EXT2: variants seen among roughly 807,000 people sequenced by gnomAD.
EXT2 encodes the protein exostosin glycosyltransferase 2.
EXT2 carries 53 observed loss-of-function variants against 81.6 expected under a neutral mutation model. That is an observed-to-expected ratio of 0.65 (90% CI 0.52 to 0.82). The LOEUF (loss-of-function observed/expected upper bound fraction) is 0.82, where lower values mean the gene tolerates loss of function less well. EXT2 is among the 40% of genes least tolerant of loss of function. EXT2 has a pLI of 0.00. For missense variants in EXT2, 774 were observed against 910.2 expected (o/e 0.85, Z 1.93); for synonymous variants, 320 against 340.0 (o/e 0.94, Z 0.65).
At chr11:44,200,078 G>A (rs867121379) in intron 9 of EXT2, among the ~76,000 whole-genome samples, 100 of 151,750 alleles carry the variant, frequency 6.6e-4, no homozygotes, top group African/African-American at 2.4e-3. Context: ...GGTAAATGAG[G>A]CTGTCAGCTC....
At chr11:44,173,563 CTTTTTTTTTT>C (rs66702988) in intron 8 of EXT2, among the ~76,000 whole-genome samples, 6 of 100,070 alleles carry the variant, frequency 6.0e-5, no homozygotes, top group South Asian at 4.0e-4. Flanking sequence ...TTCTTTCTTT[CTTTTTTTTTT>C]TTTTTTTTTT....
chr11:44,159,643 G>A lies in EXT2; in HGVS notation c.1174-11968G>A, dbSNP rs566368632. Among the ~76,000 whole-genome samples the A allele has an allele frequency of 1.7e-4, 26 of 152,130 alleles. No homozygotes were observed. The South Asian group carries it at 5.4e-3, about 32-fold the overall frequency. ...CAGCATCTCTGCCATGTCTCATTCT[G>A]GTTTGATGCTTACTCAGTCTCTTCA... On this transcript the variant is annotated intron_variant, in intron 7 of 13. Transcript: ENST00000533608.
intron 7 of EXT2, among the ~76,000 whole-genome samples, chr11:44,147,711 C>A (rs1954737876): frequency 8.7e-6 from 1 of 114,912 alleles, no homozygotes. Context: ...CAGGCGCCTG[C>A]CACCACCCCC....
At chr11:44,208,856 A>T (rs1955614419) in intron 10 of EXT2, among the ~76,000 whole-genome samples, 1 of 152,258 alleles carries the variant, frequency 6.6e-6, no homozygotes, top group African/African-American at 2.4e-5. Context: ...GCCTTCCCTG[A>T]GGATTTTACT....
In EXT2 at chr11:44,245,871, C is replaced by T. The variant is rs757619514; in HGVS notation, c.*1584C>T. The stretch of plus-strand genomic sequence containing the variant: ...GACTATTATTGCCAAAGGGGGCAAG[C>T]GATCATCTCATCCAGTTTGTTCATT... On this transcript the variant is annotated 3_prime_UTR_variant, in exon 14 of 14. Coordinates refer to ENST00000533608, the MANE Select transcript of EXT2 (RefSeq NM_207122.2). Among the ~76,000 whole-genome samples, 2 of 152,214 alleles carry T rather than the reference C, an allele frequency of 1.3e-5. No individual in the cohort carries two copies. The highest frequency in any genetic ancestry group is 2.9e-5 in the Non-Finnish European group (2 of 68,034).
intron 10 of EXT2, among the ~76,000 whole-genome samples, chr11:44,210,757 T>C (rs1435922873): frequency 6.6e-6 from 1 of 152,124 alleles, no homozygotes; most frequent in Non-Finnish European, 1.5e-5. Context: ...TACAACAAAA[T>C]GTGTGCCAGA....
chr11:44,147,541 G>T (rs1400910910), intron 7 of EXT2, among the ~76,000 whole-genome samples: 1 of 151,654 alleles, frequency 6.6e-6, no homozygotes, highest in Non-Finnish European at 1.5e-5. Context: ...GGCTAGGCCT[G>T]GGCAGGAAGA....
chr11:44,195,606 T>C (rs1955446879), intron 8 of EXT2, among the ~76,000 whole-genome samples: 1 of 152,164 alleles, frequency 6.6e-6, no homozygotes, highest in Non-Finnish European at 1.5e-5. Context: ...TGGGTTTGTG[T>C]GCATTTCTCA....
chr11:44,113,944 C>T (rs1290731578), intron 3 of EXT2, among the ~76,000 whole-genome samples: 1 of 151,980 alleles, frequency 6.6e-6, no homozygotes, highest in African/African-American at 2.4e-5. Flanking sequence ...TGATGTGTTT[C>T]AAAAACTGGG....
At position 44,220,674 on chromosome 11, in the gene EXT2, C is replaced by T. The variant is rs1955771981; in HGVS notation, c.1663-11679C>T. ...CCCTGTTTTTCAGCCTGTAGGAGAA[C>T]TAAATAATCTATTAGGTCTGTCCTA... On this transcript the variant is annotated intron_variant, in intron 10 of 13. Transcript: ENST00000533608. The surrounding 1 kb of genome is among the most constrained non-coding windows in gnomAD (Gnocchi z 4.4). 6.6e-6 allele frequency among the ~76,000 whole-genome samples: 1 copy of T among 152,152 alleles called. No homozygotes were observed. The highest frequency in any genetic ancestry group is 2.4e-5 in the African/African-American group (1 of 41,424).
intron 3 of EXT2, among the ~76,000 whole-genome samples, chr11:44,110,381 G>A (rs1954125906): frequency 6.6e-6 from 1 of 152,180 alleles, no homozygotes; most frequent in South Asian, 2.1e-4. Context: ...TGTAGAGACC[G>A]TTTTGGACGA....
chr11:44,242,747 T>G (rs937328647), intron 13 of EXT2, among the ~76,000 whole-genome samples: 24 of 152,224 alleles, frequency 1.6e-4, no homozygotes, highest in African/African-American at 5.8e-4. Flanking sequence ...TCCAGTCCCC[T>G]TCATTGGACC....
chr11:44,173,818 C>T (rs140017422), intron 8 of EXT2, among the ~76,000 whole-genome samples: 4 of 152,062 alleles, frequency 2.6e-5, no homozygotes, highest in South Asian at 2.1e-4. Context: ...CCGCCTGCCT[C>T]GGCCTCCCAA....
chr11:44,140,689 G>C (rs1426513639), intron 7 of EXT2, among the ~76,000 whole-genome samples: 1 of 152,150 alleles, frequency 6.6e-6, no homozygotes, highest in East Asian at 1.9e-4. Context: ...AAGGGGGATG[G>C]ATGGGTAGAA....
chr11:44,233,778 C>T (rs570747628), intron 11 of EXT2, among the ~76,000 whole-genome samples: 2 of 152,214 alleles, frequency 1.3e-5, no homozygotes, highest in African/African-American at 4.8e-5. Context: ...CTAAGGTTTA[C>T]AATTCATGGG....
chr11:44,141,512 G>A (rs1001099822), intron 7 of EXT2, among the ~76,000 whole-genome samples: 1 of 152,186 alleles, frequency 6.6e-6, no homozygotes, highest in Non-Finnish European at 1.5e-5. Context: ...CATCTAATTA[G>A]TTAAGTTTAA....
Position 44,126,961 on chromosome 11 carries a change from T to C in EXT2, c.1079+6T>C. The C allele has an allele frequency of 6.2e-7, 1 of 1,613,884 alleles. No homozygotes were observed. Among genetic ancestry groups the C allele is most frequent in the Non-Finnish European group, 8.5e-7 (1 of 1,179,830 alleles). ...GAAGTTCTTGACTGGAAGAGGTGGGTAGTACCTCCTAGTAAACTCTACATT... is the reference window on the plus strand; with the variant it reads ...GAAGTTCTTGACTGGAAGAGGTGGGCAGTACCTCCTAGTAAACTCTACATT... On this transcript the variant is annotated splice_donor_region_variant and intron_variant, in intron 6 of 13. Transcript: ENST00000533608.
chr11:44,108,080 G>A lies in EXT2; in HGVS notation c.368G>A (p.Ser123Asn), dbSNP rs750081286. ...GTGGATGACTTTGGCGTCTCTGTCA[G>A]CAACACCATCTCCCGGGAGTATAAT... ...KYVDDFGVSV[S>N]NTISREYNEL... is the part of the protein sequence containing the mutation. The change falls in exon 2 of 14, where the codon AGC becomes AAC. Residue 123 changes from serine (S) to asparagine (N), a missense_variant. By Grantham distance (46) the Ser-to-Asn change is conservative (BLOSUM62 1). Transcript: ENST00000533608. 6.2e-7 allele frequency: 1 copy of A among 1,614,170 alleles called. No individual in the cohort carries two copies. The highest frequency in any genetic ancestry group is 1.1e-5 in the South Asian group (1 of 91,076).
At chr11:44,152,903 A>G (rs1200501357) in intron 7 of EXT2, among the ~76,000 whole-genome samples, 1 of 152,128 alleles carries the variant, frequency 6.6e-6, no homozygotes, top group Non-Finnish European at 1.5e-5. Context: ...TCTTTCACCA[A>G]TATCACACTG....
Sources: gnomAD v4.1 joint callset for allele counts (sites outside exome capture counted in the v4.1 genomes callset) on GRCh38, gnomAD v4.1.1 for gene constraint, Gnocchi (gnomAD v3.1) non-coding constraint, MANE v1.5 for transcripts, NCBI Gene and HGNC (gene_info 2026-07-23, HGNC 2026-07-21) for gene names.